NR1H4: variants seen among roughly 807,000 people sequenced by gnomAD.
NR1H4 encodes the protein nuclear receptor subfamily 1 group H member 4.
NR1H4 carries 23 observed loss-of-function variants against 58.5 expected under a neutral mutation model. That is an observed-to-expected ratio of 0.39 (90% CI 0.28 to 0.56). The LOEUF is 0.56. Among genes scored for constraint, NR1H4 ranks in the 20% least tolerant of loss-of-function variants. The probability of loss-of-function intolerance (pLI) is 0.58; values close to 1 mark genes in which losing one functional copy is unlikely to be tolerated. For synonymous variants in NR1H4, 214 were observed against 198.0 expected, an observed-to-expected ratio of 1.08 and a Z score of -0.68; for missense variants, 487 against 576.9, an observed-to-expected ratio of 0.84 and a Z score of 1.60.
At chr12:100,548,039 A>G (rs191384720) in intron 9 of NR1H4, among the ~76,000 whole-genome samples, 1 of 150,022 alleles carries the variant, frequency 6.7e-6, no homozygotes, top group Non-Finnish European at 1.5e-5. Flanking sequence ...TTTTTATTAT[A>G]TTAAGCACTT....
chr12:100,506,231 C>T lies in NR1H4; in HGVS notation c.80-4547C>T, dbSNP rs189127503. On this transcript the variant is annotated intron_variant, in intron 3 of 10. Coordinates refer to ENST00000392986, the MANE Select transcript of NR1H4 (RefSeq NM_001206979.2). The stretch of plus-strand genomic sequence containing the variant: ...TGTCTTTTAATGACACTCAACTTAC[C>T]GAAACTGCTTCTCAGCAACCGTATT... 8.5e-5 allele frequency among the ~76,000 whole-genome samples: 13 copies of T among 152,130 alleles called. No individual in the cohort carries two copies. In the South Asian group the frequency reaches 1.2e-3, roughly 15 times the overall value.
At chr12:100,491,134 C>T (rs980166705) in intron 1 of NR1H4, among the ~76,000 whole-genome samples, 3 of 152,096 alleles carry the variant, frequency 2.0e-5, no homozygotes, top group African/African-American at 4.8e-5. Context: ...CAGGACCTCC[C>T]GCTCCTATCA....
chr12:100,491,655 G>T (rs985729382), intron 1 of NR1H4, among the ~76,000 whole-genome samples: 2 of 151,778 alleles, frequency 1.3e-5, no homozygotes, highest in African/African-American at 2.4e-5. Context: ...TATATTAATG[G>T]ATAGTAGAGT....
rs201042707 is a variant in NR1H4 at position 100,503,449 on chromosome 12, C to T, written c.80-7329C>T. 2.6e-5 allele frequency: 41 copies of T among 1,597,398 alleles called. 1 individual carries two copies. Among genetic ancestry groups the T allele is most frequent in the Non-Finnish European group, 3.2e-5 (38 of 1,179,344 alleles). The stretch of plus-strand genomic sequence containing the variant: ...CAAATTAGTCCTCACTGCAGCTGTA[C>T]GCCGTCAGGATTTTTCATGGAAATG... On this transcript the variant is annotated intron_variant, in intron 3 of 10. Coordinates refer to ENST00000392986, the MANE Select transcript of NR1H4 (RefSeq NM_001206979.2).
At chr12:100,558,756 T>G (rs1955393744) in intron 9 of NR1H4, among the ~76,000 whole-genome samples, 1 of 152,198 alleles carries the variant, frequency 6.6e-6, no homozygotes, top group Non-Finnish European at 1.5e-5. Context: ...GCAATGTGAA[T>G]TGTTTAGGGA....
intron 4 of NR1H4, among the ~76,000 whole-genome samples, chr12:100,516,677 A>G (rs1954275889): frequency 6.6e-6 from 1 of 152,070 alleles, no homozygotes; most frequent in South Asian, 2.1e-4. Flanking sequence ...ATGACATGCT[A>G]ATTCTTATGG....
At chr12:100,546,826 C>A (rs1168179829) in intron 9 of NR1H4, among the ~76,000 whole-genome samples, 1 of 152,136 alleles carries the variant, frequency 6.6e-6, no homozygotes, top group Non-Finnish European at 1.5e-5. Context: ...GCTTAGAGTT[C>A]GTGGTTCATC....
intron 9 of NR1H4, among the ~76,000 whole-genome samples, chr12:100,543,293 G>A (rs941637103): frequency 2.0e-5 from 3 of 152,112 alleles, no homozygotes; most frequent in Non-Finnish European, 4.4e-5. Flanking sequence ...TAATGATTTT[G>A]TTATTTCCCA....
At chr12:100,508,058 G>C (rs1035391172) in intron 3 of NR1H4, among the ~76,000 whole-genome samples, 5 of 151,972 alleles carry the variant, frequency 3.3e-5, no homozygotes, top group Non-Finnish European at 5.9e-5. Flanking sequence ...GGTAGGGTAA[G>C]TAATGGTTTT....
At chr12:100,548,510 G>A (rs1001154488) in intron 9 of NR1H4, among the ~76,000 whole-genome samples, 1 of 152,068 alleles carries the variant, frequency 6.6e-6, no homozygotes, top group Admixed American at 6.6e-5. Flanking sequence ...TCTCAGGGTG[G>A]TGGCTCATTA....
chr12:100,526,517 A>C (rs1954561216), intron 4 of NR1H4, among the ~76,000 whole-genome samples: 1 of 152,176 alleles, frequency 6.6e-6, no homozygotes, highest in African/African-American at 2.4e-5. Context: ...CTAAGCTCAC[A>C]ACTCTCCCGG....
chr12:100,496,871 T>A lies in NR1H4; in HGVS notation c.79+3469T>A, dbSNP rs59510791. 3.3e-3 allele frequency among the ~76,000 whole-genome samples: 510 copies of A among 152,314 alleles called. 4 individuals are homozygous for A. Among genetic ancestry groups the A allele is most frequent in the African/African-American group, 0.012 (481 of 41,560 alleles). ...AATAATGACCTTTTCAGTGATAACT[T>A]GCAGCTTCTTCTAGAGGTGACCATG... On this transcript the variant is annotated intron_variant, in intron 3 of 10. Transcript: ENST00000392986.
At chr12:100,505,282 C>T (rs1308879765) in intron 3 of NR1H4, among the ~76,000 whole-genome samples, 2 of 152,158 alleles carry the variant, frequency 1.3e-5, no homozygotes, top group African/African-American at 4.8e-5. Context: ...AACCTGATTT[C>T]CCATTTGGGG....
At chr12:100,510,558 T>C (rs1198585223) in intron 3 of NR1H4, among the ~76,000 whole-genome samples, 1 of 149,724 alleles carries the variant, frequency 6.7e-6, no homozygotes, top group African/African-American at 2.4e-5. Flanking sequence ...GATGAGTCTG[T>C]CCTCTATGTT....
intron 3 of NR1H4, among the ~76,000 whole-genome samples, chr12:100,504,066 A>G (rs976883554): frequency 6.6e-6 from 1 of 152,198 alleles, no homozygotes; most frequent in African/African-American, 2.4e-5. Flanking sequence ...GTGGTAAAAA[A>G]AAAAATGAAA....
chr12:100,508,905 A>G (rs1954037100), intron 3 of NR1H4, among the ~76,000 whole-genome samples: 1 of 152,132 alleles, frequency 6.6e-6, no homozygotes, highest in South Asian at 2.1e-4. Flanking sequence ...TACTTATTGC[A>G]CTTGCTGTGA....
intron 4 of NR1H4, among the ~76,000 whole-genome samples, chr12:100,515,777 G>A (rs1233025659): frequency 6.6e-6 from 1 of 152,108 alleles, no homozygotes; most frequent in Non-Finnish European, 1.5e-5. Context: ...TGCTTATATT[G>A]ATAAATATTG....
chr12:100,510,271 A>T (rs1954072766), intron 3 of NR1H4, among the ~76,000 whole-genome samples: 1 of 152,204 alleles, frequency 6.6e-6, no homozygotes, highest in East Asian at 1.9e-4. Flanking sequence ...ATTGAAGTTT[A>T]AAAAACTGGA....
At chr12:100,521,309 G>A (rs1954411409) in intron 4 of NR1H4, among the ~76,000 whole-genome samples, 1 of 152,224 alleles carries the variant, frequency 6.6e-6, no homozygotes, top group African/African-American at 2.4e-5. Context: ...AATAACTTGG[G>A]AACACAAGCA....
Sources: allele counts gnomAD v4.1 joint callset (sites outside exome capture counted in the v4.1 genomes callset), GRCh38; gene constraint gnomAD v4.1.1; transcripts MANE v1.5; gene names NCBI Gene and HGNC (gene_info 2026-07-23, HGNC 2026-07-21).